RUFY4: variants seen among roughly 807,000 people sequenced by gnomAD.
RUFY4 encodes RUN and FYVE domain-containing protein 4.
RUFY4 carries 73 observed loss-of-function variants against 69.0 expected under a neutral mutation model. The ratio of observed to expected loss-of-function variants is 1.06; its 90% CI spans 0.88 to 1.29. The LOEUF (loss-of-function observed/expected upper bound fraction) is 1.29. Ranked by LOEUF, RUFY4 falls within the 50% of genes most tolerant of loss-of-function variation. The pLI is 0.00. For synonymous variants in RUFY4, 287 were observed against 271.8 expected, an observed-to-expected ratio of 1.06 and a Z score of -0.55; for missense variants, 770 against 705.6, an observed-to-expected ratio of 1.09 and a Z score of -1.03.
At chr2:218,077,238 C>T (rs942527902) in intron 8 of RUFY4, among the ~76,000 whole-genome samples, 4 of 121,464 alleles carry the variant, frequency 3.3e-5, no homozygotes, top group African/African-American at 1.2e-4. Context: ...TCAGTCTCTC[C>T]GTTTCTCCTG....
rs958030600 is a variant in RUFY4 at position 218,082,996 on chromosome 2, C to T, written c.1356-114C>T. The T allele has an allele frequency of 9.7e-6, 11 of 1,128,262 alleles. No individual in the cohort carries two copies. The East Asian group carries it at 1.2e-4, about 12-fold the overall frequency. The allele number at this position is 1,128,262 out of a possible 1,614,324, so 69.9% of individuals were successfully genotyped here. ...TTGTGTGTGTGTGGACTTCAGCTGC[C>T]GGGGGCATCACCAGCGTCTCCCATG... On this transcript the variant is annotated intron_variant, in intron 8 of 10. Transcript: ENST00000344321.
At chr2:218,050,764 G>T (rs1688925836) in intron 2 of RUFY4, among the ~76,000 whole-genome samples, 1 of 152,176 alleles carries the variant, frequency 6.6e-6, no homozygotes, top group South Asian at 2.1e-4. Flanking sequence ...CAAATGTACA[G>T]ATGAGAGTAC....
chr2:218,089,038 T>A (rs1272234682), intron 9 of RUFY4, among the ~76,000 whole-genome samples: 1 of 152,080 alleles, frequency 6.6e-6, no homozygotes, highest in Non-Finnish European at 1.5e-5. Context: ...TGTGTCTCTA[T>A]CTGCGTCTCT....
At chr2:218,056,085 G>C (rs1157197383) in intron 2 of RUFY4, among the ~76,000 whole-genome samples, 1 of 152,162 alleles carries the variant, frequency 6.6e-6, no homozygotes, top group Non-Finnish European at 1.5e-5. Flanking sequence ...GACACTCTCT[G>C]CTTTAATTCA....
chr2:218,060,958 G>C (rs761834946), intron 3 of RUFY4: 14 of 836,000 alleles, frequency 1.7e-5, no homozygotes, highest in Non-Finnish European at 2.7e-5. Flanking sequence ...TGCTGGGTCA[G>C]TGTGCGTGTG....
chr2:218,076,337 G>T (rs1689629558), intron 7 of RUFY4, 90 bp from the exon 10 acceptor site: 1 of 1,485,704 alleles, frequency 6.7e-7, no homozygotes, highest in Non-Finnish European at 9.0e-7. Context: ...ATGGCCTGGG[G>T]TCTCTCGGGA....
chr2:218,061,211 C>T (rs757490803), intron 3 of RUFY4: 5 of 383,114 alleles, frequency 1.3e-5, no homozygotes, highest in Non-Finnish European at 2.6e-5. Flanking sequence ...TGACCAGCAT[C>T]GGCAGGGAGT....
chr2:218,037,244 C>A, intron 2 of RUFY4, among the ~76,000 whole-genome samples: 1 of 151,856 alleles, frequency 6.6e-6, no homozygotes, highest in South Asian at 2.1e-4. Flanking sequence ...CCCTTGAACC[C>A]AGGAGGCGGA....
chr2:218,071,843 C>A (rs1328771905), intron 2 of RUFY4, among the ~76,000 whole-genome samples: 2 of 152,162 alleles, frequency 1.3e-5, no homozygotes, highest in Non-Finnish European at 2.9e-5. Flanking sequence ...GTATTACAAC[C>A]AGGCACCCTG....
At chr2:218,080,711 C>T (rs1027568245) in intron 8 of RUFY4, among the ~76,000 whole-genome samples, 7 of 152,214 alleles carry the variant, frequency 4.6e-5, no homozygotes, top group Non-Finnish European at 1.5e-5. Context: ...CCCTGCACAG[C>T]AGCACTGAGC....
At chr2:218,071,348 T>C (rs1689483020) in intron 2 of RUFY4, among the ~76,000 whole-genome samples, 1 of 152,094 alleles carries the variant, frequency 6.6e-6, no homozygotes, top group Non-Finnish European at 1.5e-5. Context: ...ACCCTGCCAC[T>C]CATCTACTGC....
At chr2:218,057,655 C>A (rs1689092858) in intron 2 of RUFY4, among the ~76,000 whole-genome samples, 1 of 152,204 alleles carries the variant, frequency 6.6e-6, no homozygotes, top group South Asian at 2.1e-4. Context: ...TCTATCACCC[C>A]AAAAAGAACC....
At chr2:218,076,675 T>G in intron 8 of RUFY4, 142 bp downstream of exon 10, 2 of 1,348,874 alleles carry the variant, frequency 1.5e-6, no homozygotes, top group Non-Finnish European at 2.0e-6. Flanking sequence ...ATCTGAGGCC[T>G]GCAGGGCATT....
At chr2:218,063,082 G>A (rs1335194942) in intron 3 of RUFY4, among the ~76,000 whole-genome samples, 1 of 152,222 alleles carries the variant, frequency 6.6e-6, no homozygotes, top group East Asian at 1.9e-4. Flanking sequence ...GGGGAAGCCT[G>A]GGTGTAGAGG....
Position 218,039,987 on chromosome 2 carries a change from G to A in RUFY4, c.-1158+4593G>A, listed in dbSNP as rs558337400. ...CTTCCCACTGGATTGCCCCCAATTT[G>A]CTCCTAGAGAGGACTCCTTCTGAAG... On this transcript the variant is annotated intron_variant and NMD_transcript_variant, in intron 2 of 13. Transcript: ENST00000457754. Among the ~76,000 whole-genome samples the A allele has an allele frequency of 1.5e-4, 20 of 133,838 alleles. 1 individual carries two copies. The South Asian group carries it at 5.7e-3, about 38-fold the overall frequency. 87.8% of individuals were successfully genotyped at this position (133,838 alleles called of 152,430 possible).
chr2:218,076,613 G>T (rs1574513373), intron 8 of RUFY4, 80 bp downstream of exon 10: 2 of 1,522,362 alleles, frequency 1.3e-6, no homozygotes, highest in Non-Finnish European at 1.8e-6. Context: ...AGCCAGTGAG[G>T]TCTTGTGAGA....
exon 5 of RUFY4, chr2:218,073,329 C>A: frequency 1.9e-6 from 3 of 1,578,404 alleles, no homozygotes; most frequent in African/African-American, 1.3e-5. Context: ...AATGGGGTGG[C>A]CTTCGAGTTG....
intron 2 of RUFY4, among the ~76,000 whole-genome samples, chr2:218,053,609 A>T (rs1688992545): frequency 6.6e-6 from 1 of 152,108 alleles, no homozygotes; most frequent in Non-Finnish European, 1.5e-5. Flanking sequence ...TCCCGGATTC[A>T]TCCCATTCTC....
intron 3 of RUFY4, among the ~76,000 whole-genome samples, chr2:218,058,938 T>A (rs1689123109): frequency 6.6e-6 from 1 of 152,200 alleles, no homozygotes; most frequent in African/African-American, 2.4e-5. Context: ...TTTCTTTCCA[T>A]GATGCGTGGT....
Sources: gnomAD v4.1 joint callset for allele counts (sites outside exome capture counted in the v4.1 genomes callset) on GRCh38, gnomAD v4.1.1 for gene constraint, MANE v1.5 for transcripts, NCBI Gene and HGNC (gene_info 2026-07-23, HGNC 2026-07-21) for gene names.